HSPA1L: variants seen among roughly 807,000 people sequenced by gnomAD.
HSPA1L encodes the protein heat shock protein family A (Hsp70) member 1 like.
In HSPA1L, 21 loss-of-function variants were observed where a neutral mutation model predicts 31.5. The ratio of observed to expected loss-of-function variants is 0.67; its 90% CI spans 0.47 to 0.96. The LOEUF is 0.96. Ranked by LOEUF, HSPA1L falls within the 40% of genes least tolerant of loss-of-function variation. The pLI, the probability that HSPA1L is intolerant of heterozygous loss-of-function variation, is 0.00. For synonymous variants in HSPA1L, 293 were observed against 323.1 expected (o/e 0.91, Z 1.00); for missense variants, 709 against 813.4 (o/e 0.87, Z 1.56).
chr6:31,815,001 C>T lies in HSPA1L; in HGVS notation c.-126G>A. 1 of 260,474 alleles carries T rather than the reference C, an allele frequency of 3.8e-6. No homozygotes were observed. The highest frequency in any genetic ancestry group is 1.6e-4 in the South Asian group (1 of 6,112). 16.1% of individuals were successfully genotyped at this position (260,474 alleles called of 1,614,324 possible). ...TGCACAACCGGGGTCCCCCCACCCC[C>T]CACCCCGTCCCTCCCTGCAAATTTG... On this transcript the variant is annotated 5_prime_UTR_variant, in exon 1 of 2. Coordinates refer to ENST00000375654, the MANE Select transcript of HSPA1L (RefSeq NM_005527.4).
chr6:31,812,373 A>G (rs989094444), intron 1 of HSPA1L, among the ~76,000 whole-genome samples: 2 of 151,886 alleles, frequency 1.3e-5, no homozygotes, highest in Non-Finnish European at 2.9e-5. Context: ...CGGTTTCACT[A>G]TGTTGGCCAG....
At position 31,811,826 on chromosome 6, in the gene HSPA1L, G is replaced by A. The variant is rs541575734; in HGVS notation, c.147C>T (p.Thr49=). ...TTPSYVAFTD[T]ERLIGDAAKN... ...TGGCCGCATCCCCAATGAGCCGCTC[G>A]GTGTCTGTGAAGGCCACGTAGCTGG... Residue 49 remains threonine, a synonymous_variant, in exon 2 of 2, where the codon ACC becomes ACT. Coordinates refer to ENST00000375654, the MANE Select transcript of HSPA1L (RefSeq NM_005527.4). 2.5e-5 allele frequency: 40 copies of A among 1,614,116 alleles called. No individual in the cohort carries two copies. Among genetic ancestry groups the A allele is most frequent in the African/African-American group, 2.7e-5 (2 of 74,996 alleles).
In HSPA1L at chr6:31,811,969, C is replaced by G. The variant is rs1815457330; in HGVS notation, c.4G>C (p.Ala2Pro). ...CCTATGGCGATTCCCTTGGCAGTAG[C>G]CATGGTTCTCTGAGGCCTATGGAGA... Reference protein sequence around the residue: MATAKGIAIGID... With the variant: MPTAKGIAIGID... Residue 2 changes from alanine (A) to proline (P), a missense_variant, in exon 2 of 2, where the codon GCT (alanine) becomes CCT (proline). By Grantham distance (27) the Ala-to-Pro change is conservative. Coordinates refer to ENST00000375654, the MANE Select transcript of HSPA1L (RefSeq NM_005527.4). The G allele has an allele frequency of 6.2e-7, 1 of 1,614,038 alleles. No individual in the cohort carries two copies. The highest frequency in any genetic ancestry group is 1.3e-5 in the African/African-American group (1 of 75,026).
In HSPA1L at chr6:31,811,446, T is replaced by C. The variant is rs761403757; in HGVS notation, c.527A>G (p.Asn176Ser). ...GGCAATGGCAGCAGCCGTGGGCTCA[T>C]TGATGATTCTTAGCACATTAAGTCC... ...IAGLNVLRII[N>S]EPTAAAIAYG... Residue 176 changes from asparagine to serine, a missense_variant, in exon 2 of 2, where the codon AAT (asparagine) becomes AGT (serine). Physicochemically the swap from Asn to Ser is conservative, Grantham distance 46. Coordinates refer to ENST00000375654, the MANE Select transcript of HSPA1L (RefSeq NM_005527.4). The C allele has an allele frequency of 4.3e-5, 70 of 1,614,084 alleles. No individual in the cohort carries two copies. Among genetic ancestry groups the C allele is most frequent in the East Asian group, 6.7e-5 (3 of 44,894 alleles).
chr6:31,810,650 C>G lies in HSPA1L; in HGVS notation c.1323G>C (p.Leu441=). The change falls in exon 2 of 2, where the codon CTG becomes CTC. Residue 441 remains leucine, a synonymous_variant. Transcript: ENST00000375654. The part of the protein sequence containing the change: ...TTYSDNQPGV[L]IQVYEGERAM... ...CCCTCTCGCCCTCATACACCTGGATCAGCACCCCGGGTTGGTTGTCAGAGT... is the reference window on the plus strand; with the variant it reads ...CCCTCTCGCCCTCATACACCTGGATGAGCACCCCGGGTTGGTTGTCAGAGT... The G allele has an allele frequency of 6.2e-7, 1 of 1,614,092 alleles. No individual in the cohort carries two copies. Among genetic ancestry groups the G allele is most frequent in the Non-Finnish European group, 8.5e-7 (1 of 1,180,024 alleles).
chr6:31,814,622 GTTACCCCGCCTCCCCC>G (rs1279573734), intron 1 of HSPA1L, among the ~76,000 whole-genome samples: 1 of 120,866 alleles, frequency 8.3e-6, no homozygotes, highest in Non-Finnish European at 1.7e-5. Flanking sequence ...CCGCTTCCCA[GTTACCCCGCCTCCCCC>G]TTACCCCGCC....
rs1581696037 is a variant in HSPA1L, at chr6:31,811,328, A to T, written c.645T>A (p.Asp215Glu). Residue 215 changes from aspartate to glutamate, a missense_variant, in exon 2 of 2, where the codon GAT (aspartate) becomes GAA (glutamate). Coordinates refer to ENST00000375654, the MANE Select transcript of HSPA1L (RefSeq NM_005527.4). ...TGGCCTTTACCTCAAAAATCCCATCATCTATGGTCAGAATTGACACATCAA... is the reference window on the plus strand; with the variant it reads ...TGGCCTTTACCTCAAAAATCCCATCTTCTATGGTCAGAATTGACACATCAA... ...GTFDVSILTI[D>E]DGIFEVKATA... The T allele has an allele frequency of 1.2e-6, 2 of 1,614,178 alleles. No homozygotes were observed. The highest frequency in any genetic ancestry group is 1.7e-6 in the Non-Finnish European group (2 of 1,180,022).
In HSPA1L at chr6:31,810,510, A is replaced by G. The variant is rs1212762938; in HGVS notation, c.1463T>C (p.Leu488Pro). 1 of 1,613,294 alleles carries G rather than the reference A, an allele frequency of 6.2e-7. No individual in the cohort carries two copies. The change falls in exon 2 of 2, where the codon CTC (leucine) becomes CCC (proline). Residue 488 changes from leucine (L) to proline (P), a missense_variant. Coordinates refer to ENST00000375654, the MANE Select transcript of HSPA1L (RefSeq NM_005527.4). ...GCTCTTGTCCGTGGCTGTGACATTG[A>G]GAATACCATTGGCATCAATGTCAAA... is the stretch of plus-strand genomic sequence containing the variant. ...VTFDIDANGI[L>P]NVTATDKSTG...
intron 1 of HSPA1L, among the ~76,000 whole-genome samples, chr6:31,812,744 CA>C (rs1562344481): frequency 6.6e-6 from 1 of 152,202 alleles, no homozygotes. Context: ...GAATTCTGTT[CA>C]TCTCGCAAAA....
Position 31,811,538 on chromosome 6 carries a change from C to T in HSPA1L, c.435G>A (p.Val145=). 1 of 1,614,170 alleles carries T rather than the reference C, an allele frequency of 6.2e-7. No individual in the cohort carries two copies. Among genetic ancestry groups the T allele is most frequent in the South Asian group, 1.1e-5 (1 of 91,084 alleles). ...AFLGHPVTNA[V]ITVPAYFNDS... Reference sequence around the variant, plus strand: ...CATTGAAATAGGCTGGCACGGTAATCACTGCATTGGTGACAGGGTGGCCCA... The same window carrying T: ...CATTGAAATAGGCTGGCACGGTAATTACTGCATTGGTGACAGGGTGGCCCA... Residue 145 remains valine, a synonymous_variant, in exon 2 of 2, where the codon GTG becomes GTA. Transcript: ENST00000375654.
chr6:31,814,839 A>T, intron 1 of HSPA1L, 50 bp downstream of exon 1: 1 of 933,966 alleles, frequency 1.1e-6, no homozygotes, highest in Non-Finnish European at 1.3e-6. Flanking sequence ...CCAAACAAGG[A>T]CCTACTGAGC....
At position 31,810,738 on chromosome 6, in the gene HSPA1L, A is replaced by T. The variant is rs758295721; in HGVS notation, c.1235T>A (p.Met412Lys). The T allele has an allele frequency of 3.7e-6, 6 of 1,614,018 alleles. No homozygotes were observed. In the South Asian group the frequency reaches 5.5e-5, roughly 15 times the overall value. Reference sequence around the variant, plus strand: ...GGAGTTGCGCTTTATCAGGGCAGTCATCACGCCCCCAGCCGTCTCCAGCCC... The same window carrying T: ...GGAGTTGCGCTTTATCAGGGCAGTCTTCACGCCCCCAGCCGTCTCCAGCCC... ...SLGLETAGGV[M>K]TALIKRNSTI... Residue 412 changes from methionine (M) to lysine (K), a missense_variant, in exon 2 of 2, where the codon ATG (methionine) becomes AAG (lysine). Physicochemically the swap from Met to Lys is moderately conservative, Grantham distance 95. Transcript: ENST00000375654.
At chr6:31,813,838 T>C (rs1815622513) in intron 1 of HSPA1L, among the ~76,000 whole-genome samples, 1 of 152,224 alleles carries the variant, frequency 6.6e-6, no homozygotes. Context: ...CCTGTTCCTA[T>C]ATATTTTACT....
Position 31,811,422 on chromosome 6 carries a change from G to A in HSPA1L, c.551C>T (p.Ala184Val). Residue 184 changes from alanine to valine, a missense_variant, in exon 2 of 2, where the codon GCC (alanine) becomes GTC (valine). Physicochemically the swap from Ala to Val is moderately conservative, Grantham distance 64. Transcript: ENST00000375654. The stretch of plus-strand genomic sequence containing the variant: ...TTGACCTCCTTTATCTAAACCATAG[G>A]CAATGGCAGCAGCCGTGGGCTCATT... ...IINEPTAAAIAYGLDKGGQGE... is the reference protein window; with the variant it reads ...IINEPTAAAIVYGLDKGGQGE... The A allele has an allele frequency of 6.2e-7, 1 of 1,614,106 alleles. No homozygotes were observed. The highest frequency in any genetic ancestry group is 1.1e-5 in the South Asian group (1 of 91,074).
Position 31,810,251 on chromosome 6 carries a change from A to G in HSPA1L, c.1722T>C (p.Asp574=). The change falls in exon 2 of 2, where the codon GAT becomes GAC. Residue 574 remains aspartate, a synonymous_variant. Transcript: ENST00000375654. The part of the protein sequence containing the change: ...ISESDKNKIL[D]KCNELLSWLE... ...GCCACGAAAGGAGCTCGTTGCATTT[A>G]TCCAATATTTTATTTTTATCAGACT... 1.3e-6 allele frequency: 2 copies of G among 1,527,384 alleles called. No homozygotes were observed. Among genetic ancestry groups the G allele is most frequent in the Non-Finnish European group, 1.8e-6 (2 of 1,140,860 alleles). 94.6% of individuals were successfully genotyped at this position (1,527,384 alleles called of 1,614,324 possible).
Position 31,810,692 on chromosome 6 carries a change from T to A in HSPA1L, c.1281A>T (p.Thr427=), listed in dbSNP as rs1468649216. The change falls in exon 2 of 2, where the codon ACA becomes ACT. Residue 427 remains threonine, a synonymous_variant. Coordinates refer to ENST00000375654, the MANE Select transcript of HSPA1L (RefSeq NM_005527.4). ...KRNSTIPTKQ[T]QIFTTYSDNQ... is the part of the protein sequence containing the mutation. ...TGTCAGAGTAGGTGGTGAAAATCTG[T>A]GTCTGCTTGGTGGGGATGGTGGAGT... 6.2e-7 allele frequency: 1 copy of A among 1,614,002 alleles called. No individual in the cohort carries two copies. The highest frequency in any genetic ancestry group is 1.7e-5 in the Admixed American group (1 of 59,988).
chr6:31,810,453 T>C lies in HSPA1L; in HGVS notation c.1520A>G (p.Asn507Ser). The C allele has an allele frequency of 6.2e-7, 1 of 1,614,042 alleles. No individual in the cohort carries two copies. The highest frequency in any genetic ancestry group is 8.5e-7 in the Non-Finnish European group (1 of 1,179,992). The change falls in exon 2 of 2, where the codon AAT becomes AGT. Residue 507 changes from asparagine (N) to serine (S), a missense_variant. Physicochemically the swap from Asn to Ser is conservative, Grantham distance 46 (BLOSUM62 1). Transcript: ENST00000375654. ...CTCCTTGCTCAGGCGGCCCTTGTCATTGGTGATGGTGATCTTGTTCACCTT... is the reference window on the plus strand; with the variant it reads ...CTCCTTGCTCAGGCGGCCCTTGTCACTGGTGATGGTGATCTTGTTCACCTT... ...TGKVNKITIT[N>S]DKGRLSKEEI...
intron 1 of HSPA1L, 65 bp from the exon 2 acceptor site, chr6:31,812,050 A>G: frequency 6.6e-7 from 1 of 1,517,232 alleles, no homozygotes; most frequent in Non-Finnish European, 8.8e-7. Flanking sequence ...TTTTTTTGAG[A>G]CAGGGTCTTC....
Position 31,810,965 on chromosome 6 carries a change from A to T in HSPA1L, c.1008T>A (p.Ile336=). ...AKMDKAKIHD[I]VLVGGSTRIP... ...TGCGGGTGGAGCCCCCTACTAAAAC[A>T]ATGTCATGGATTTTAGCCTTATCCA... Residue 336 remains isoleucine (I), a synonymous_variant, in exon 2 of 2, where the codon ATT becomes ATA. Coordinates refer to ENST00000375654, the MANE Select transcript of HSPA1L (RefSeq NM_005527.4). The T allele has an allele frequency of 6.2e-7, 1 of 1,614,004 alleles. No individual in the cohort carries two copies. The highest frequency in any genetic ancestry group is 8.5e-7 in the Non-Finnish European group (1 of 1,179,970).
Sources: allele counts gnomAD v4.1 joint callset (sites outside exome capture counted in the v4.1 genomes callset), GRCh38; gene constraint gnomAD v4.1.1; transcripts MANE v1.5; gene names NCBI Gene and HGNC (gene_info 2026-07-23, HGNC 2026-07-21).